The following THSD4 variants were observed in gnomAD, a reference collection of about 807,000 sequenced individuals.
THSD4 encodes the protein thrombospondin type 1 domain containing 4.
In THSD4, 69 loss-of-function variants were observed where a neutral mutation model predicts 119.0. The ratio of observed to expected loss-of-function variants is 0.58; its 90% CI spans 0.48 to 0.71. The LOEUF (loss-of-function observed/expected upper bound fraction) is 0.71. Ranked by LOEUF, THSD4 falls within the 30% of genes least tolerant of loss-of-function variation. The pLI is 0.00. For synonymous variants in THSD4, 524 were observed against 540.4 expected, an observed-to-expected ratio of 0.97 and a Z score of 0.42; for missense variants, 1,393 against 1,391.1, an observed-to-expected ratio of 1.00 and a Z score of -0.02.
chr15:71,630,976 T>A (rs1254782627), intron 7 of THSD4, among the ~76,000 whole-genome samples: 1 of 152,196 alleles, frequency 6.6e-6, no homozygotes, highest in Non-Finnish European at 1.5e-5. Context: ...CCCCACCAGA[T>A]GCCATCATGC....
intron 1 of THSD4, among the ~76,000 whole-genome samples, chr15:71,133,803 C>T (rs1027194186): frequency 1.3e-5 from 2 of 152,098 alleles, no homozygotes; most frequent in Non-Finnish European, 1.5e-5. Context: ...CTTTAGTTAC[C>T]TGGGAAACGT....
At chr15:71,635,646 C>CA (rs1233110122) in intron 7 of THSD4, among the ~76,000 whole-genome samples, 2 of 152,098 alleles carry the variant, frequency 1.3e-5, no homozygotes, top group Admixed American at 1.3e-4. Context: ...AATGGCAAAT[C>CA]AAAAACATAC....
At chr15:71,681,719 C>CTAACTGAT (rs1278141233) in intron 8 of THSD4, among the ~76,000 whole-genome samples, 4 of 148,636 alleles carry the variant, frequency 2.7e-5, no homozygotes, top group African/African-American at 9.9e-5. Flanking sequence ...GCCTTTATAA[C>CTAACTGAT]TAACTGATAG....
intron 4 of THSD4, among the ~76,000 whole-genome samples, chr15:71,225,023 T>G (rs2044004043): frequency 6.6e-6 from 1 of 152,182 alleles, no homozygotes; most frequent in African/African-American, 2.4e-5. Context: ...ACTTGCATTT[T>G]GGGGTCTTAT....
rs561309159 is a variant in THSD4, at chr15:71,349,535, AC to A, written c.1016-62148del. 2.6e-5 allele frequency among the ~76,000 whole-genome samples: 4 copies of A among 151,714 alleles called. No individual in the cohort carries two copies. In the South Asian group the frequency reaches 8.4e-4, roughly 32 times the overall value. ...ACGTAGCACCTGTCAGTGACCCCTG[AC>A]CCCAGAGCACCTGCCCTTAGCCTTG... is the stretch of plus-strand genomic sequence containing the variant. On this transcript the variant is annotated intron_variant, in intron 6 of 17. Coordinates refer to ENST00000261862, the MANE Select transcript of THSD4 (RefSeq NM_024817.3).
chr15:71,713,632 T>A (rs2141096930), intron 8 of THSD4, among the ~76,000 whole-genome samples: 1 of 152,274 alleles, frequency 6.6e-6, no homozygotes, highest in East Asian at 1.9e-4. Context: ...TAGGGAGGAA[T>A]CAGATGACTA....
At chr15:71,483,725 AT>A (rs2047770601) in intron 7 of THSD4, among the ~76,000 whole-genome samples, 2 of 152,016 alleles carry the variant, frequency 1.3e-5, no homozygotes, top group Admixed American at 6.6e-5. Context: ...TGCATTAGCC[AT>A]TTATCCTGAT....
chr15:71,346,120 G>A lies in THSD4; in HGVS notation c.1016-65567G>A, dbSNP rs532959611. ...GAATCACACGCTGTATTTAGTTGTC[G>A]CATCTCTGGTCTCCTTCAGCCTGGA... is the stretch of plus-strand genomic sequence containing the variant. On this transcript the variant is annotated intron_variant, in intron 6 of 17. Transcript: ENST00000261862. Among the ~76,000 whole-genome samples the A allele has an allele frequency of 9.2e-5, 8 of 87,022 alleles. No individual in the cohort carries two copies. In the East Asian group the frequency reaches 2.3e-3, roughly 25 times the overall value. 57.1% of individuals were successfully genotyped at this position (87,022 alleles called of 152,430 possible). A position where few individuals can be genotyped will look rare whatever the true frequency, so the allele number is the denominator to read the frequency against.
At chr15:71,704,885 A>C (rs2052364813) in intron 8 of THSD4, among the ~76,000 whole-genome samples, 1 of 152,218 alleles carries the variant, frequency 6.6e-6, no homozygotes, top group Admixed American at 6.5e-5. Flanking sequence ...GTGAACGAGA[A>C]GTACATAGTG....
intron 3 of THSD4, among the ~76,000 whole-genome samples, chr15:71,202,263 G>C (rs73433407): frequency 0.027 from 4,060 of 152,184 alleles, 191 homozygotes; most frequent in African/African-American, 0.094. Flanking sequence ...CTTTAGCTGA[G>C]GCCTGTTTAC....
intron 3 of THSD4, among the ~76,000 whole-genome samples, chr15:71,160,758 T>C (rs1268172973): frequency 2.0e-5 from 3 of 151,830 alleles, no homozygotes; most frequent in Non-Finnish European, 1.5e-5. Context: ...ACTGTTTATT[T>C]TGTTGATCTT....
At chr15:71,622,494 C>T (rs1314250822) in intron 7 of THSD4, among the ~76,000 whole-genome samples, 1 of 152,202 alleles carries the variant, frequency 6.6e-6, no homozygotes, top group Non-Finnish European at 1.5e-5. Context: ...CCAGTTGACT[C>T]CTTTTTGACA....
chr15:71,356,851 C>T (rs2045819981), intron 6 of THSD4, among the ~76,000 whole-genome samples: 1 of 152,150 alleles, frequency 6.6e-6, no homozygotes, highest in African/African-American at 2.4e-5. Flanking sequence ...CCCTTCTCTA[C>T]AGGGAATTTT....
rs145172404 is a variant in THSD4, at chr15:71,204,315, A to G, written c.100-10720A>G. On this transcript the variant is annotated intron_variant, in intron 3 of 17. Coordinates refer to ENST00000261862, the MANE Select transcript of THSD4 (RefSeq NM_024817.3). The stretch of plus-strand genomic sequence containing the variant: ...CCAAATATTTACCTCATTGCATCGT[A>G]GTTTTGGCTGGGCCCTGCTTTTAAA... Among the ~76,000 whole-genome samples the G allele has an allele frequency of 5.9e-5, 9 of 152,278 alleles. No individual in the cohort carries two copies. The East Asian group carries it at 1.2e-3, about 20-fold the overall frequency.
At chr15:71,471,662 C>T (rs1210991924) in intron 7 of THSD4, among the ~76,000 whole-genome samples, 1 of 151,404 alleles carries the variant, frequency 6.6e-6, no homozygotes, top group Admixed American at 6.6e-5. Flanking sequence ...GGCCCAGCCT[C>T]ATACTAGATA....
At chr15:71,496,058 A>G (rs1048906932) in intron 7 of THSD4, among the ~76,000 whole-genome samples, 31 of 152,200 alleles carry the variant, frequency 2.0e-4, no homozygotes, top group African/African-American at 7.2e-4. Flanking sequence ...CCCATAGAGG[A>G]AGGGATAGAT....
chr15:71,291,056 G>A (rs374766825), intron 6 of THSD4, among the ~76,000 whole-genome samples: 1 of 151,912 alleles, frequency 6.6e-6, no homozygotes, highest in African/African-American at 2.4e-5. Flanking sequence ...TATCCAGTTA[G>A]GATATTCCTT....
At chr15:71,531,361 G>A (rs2048607166) in intron 7 of THSD4, among the ~76,000 whole-genome samples, 1 of 152,166 alleles carries the variant, frequency 6.6e-6, no homozygotes, top group Non-Finnish European at 1.5e-5. Flanking sequence ...AAATAGACAA[G>A]GTAGAAGCCC....
chr15:71,172,285 ACT>A (rs2043374534), intron 3 of THSD4: 1 of 152,118 alleles, frequency 6.6e-6, no homozygotes, highest in Non-Finnish European at 1.5e-5. Flanking sequence ...AGATCATGCC[ACT>A]GCACTCCAGC....
Sources: allele counts gnomAD v4.1 joint callset (sites outside exome capture counted in the v4.1 genomes callset), GRCh38; gene constraint gnomAD v4.1.1; transcripts MANE v1.5; gene names NCBI Gene and HGNC (gene_info 2026-07-23, HGNC 2026-07-21).